The following SRI variants were observed in gnomAD, a reference collection of about 807,000 sequenced individuals.
SRI encodes sorcin.
SRI carries 30 observed loss-of-function variants against 33.3 expected under a neutral mutation model. The observed-to-expected ratio is 0.90, with a 90% CI of 0.67 to 1.22. The LOEUF (loss-of-function observed/expected upper bound fraction) is 1.22, where lower values mean the gene tolerates loss of function less well. Ranked by LOEUF, SRI falls within the 50% of genes most tolerant of loss-of-function variation. SRI has a pLI of 0.00. For synonymous variants in SRI, 75 were observed against 89.9 expected, an observed-to-expected ratio of 0.83 and a Z score of 0.94; for missense variants, 243 against 250.8, an observed-to-expected ratio of 0.97 and a Z score of 0.21.
chr7:88,206,340 C>A lies in SRI; in HGVS notation c.*138G>T. On this transcript the variant is annotated 3_prime_UTR_variant, in exon 8 of 8. Transcript: ENST00000265729. Reference sequence around the variant, plus strand: ...AAACTAAAACAAAACTTCAGTTGTACATAAAGTAATAAACTTTACAACAGC... The same window carrying A: ...AAACTAAAACAAAACTTCAGTTGTAAATAAAGTAATAAACTTTACAACAGC... The A allele has an allele frequency of 1.0e-6, 1 of 995,220 alleles. No homozygotes were observed. The allele number at this position is 995,220 out of a possible 1,614,324, so 61.6% of individuals were successfully genotyped here.
intron 3 of SRI, among the ~76,000 whole-genome samples, chr7:88,215,208 G>A (rs908321796): frequency 6.6e-6 from 1 of 152,170 alleles, no homozygotes; most frequent in Non-Finnish European, 1.5e-5. Context: ...GTTCAGTACG[G>A]CCACCAGAGA....
At chr7:88,219,624 C>T in intron 1 of SRI, 1 of 332,632 alleles carries the variant, frequency 3.0e-6, no homozygotes, top group Non-Finnish European at 5.2e-6. Flanking sequence ...ACTGTTGTTG[C>T]TCTGGGAGGC....
intron 7 of SRI, among the ~76,000 whole-genome samples, chr7:88,206,842 A>C (rs1851448510): frequency 6.6e-6 from 1 of 152,222 alleles, no homozygotes; most frequent in Non-Finnish European, 1.5e-5. Flanking sequence ...CCACAAACAC[A>C]AACAACTGGA....
Position 88,217,197 on chromosome 7 carries a change from G to A in SRI, c.136-6C>T, listed in dbSNP as rs1851748425. 2.5e-6 allele frequency: 4 copies of A among 1,608,424 alleles called. No homozygotes were observed. Among genetic ancestry groups the A allele is most frequent in the Non-Finnish European group, 3.4e-6 (4 of 1,178,112 alleles). On this transcript the variant is annotated splice_polypyrimidine_tract_variant and splice_region_variant and intron_variant, in intron 2 of 7. Transcript: ENST00000265729. The stretch of plus-strand genomic sequence containing the variant: ...TCAGCATCTATCTGCCCATCCTTTT[G>A]AAAAAAAATTAGAGGAATCATAATA...
At chr7:88,216,056 C>A (rs1851703464) in intron 3 of SRI, among the ~76,000 whole-genome samples, 1 of 152,220 alleles carries the variant, frequency 6.6e-6, no homozygotes, top group Non-Finnish European at 1.5e-5. Flanking sequence ...TGGCTCACTG[C>A]AACCTCCGCC....
At chr7:88,212,407 T>G (rs1025045473) in intron 3 of SRI, among the ~76,000 whole-genome samples, 1 of 152,230 alleles carries the variant, frequency 6.6e-6, no homozygotes, top group Non-Finnish European at 1.5e-5. Flanking sequence ...AGGTATGAAG[T>G]CCCTCTAATC....
chr7:88,211,635 G>A (rs894565905), intron 3 of SRI, among the ~76,000 whole-genome samples: 1 of 152,164 alleles, frequency 6.6e-6, no homozygotes, highest in Non-Finnish European at 1.5e-5. Context: ...CTAATTTTGT[G>A]TCTGATTACT....
intron 7 of SRI, among the ~76,000 whole-genome samples, chr7:88,206,929 A>G (rs1299423776): frequency 1.3e-5 from 2 of 152,192 alleles, no homozygotes; most frequent in Non-Finnish European, 2.9e-5. Flanking sequence ...CACCTTAAAC[A>G]GTTTATTGCC....
chr7:88,205,335 C>T lies in SRI; in HGVS notation c.*1143G>A, dbSNP rs1251012495. The T allele has an allele frequency of 2.0e-5, 3 of 152,190 alleles. No homozygotes were observed. The highest frequency in any genetic ancestry group is 4.4e-5 in the Non-Finnish European group (3 of 68,028). 9.4% of individuals were successfully genotyped at this position (152,190 alleles called of 1,614,324 possible). A position where few individuals can be genotyped will look rare whatever the true frequency, so the allele number is the denominator to read the frequency against. The stretch of plus-strand genomic sequence containing the variant: ...ATTGTCAGTGCTTCTTGTATCAACA[C>T]ACTTCATATTCAGAACTACTCCCAA... On this transcript the variant is annotated 3_prime_UTR_variant, in exon 8 of 8. Transcript: ENST00000265729.
upstream of SRI, among the ~76,000 whole-genome samples, chr7:88,220,884 G>T (rs990898811): frequency 5.9e-5 from 9 of 152,218 alleles, no homozygotes; most frequent in Non-Finnish European, 1.2e-4. Context: ...GAAGATAAGA[G>T]ATAGGAACTT....
At chr7:88,224,047 C>A (rs1029337122), upstream of SRI, among the ~76,000 whole-genome samples, 1 of 152,174 alleles carries the variant, frequency 6.6e-6, no homozygotes, top group Non-Finnish European at 1.5e-5. Flanking sequence ...ATCATATACT[C>A]CAATCCTGCT....
At chr7:88,211,202 C>T (rs1391793259) in intron 3 of SRI, among the ~76,000 whole-genome samples, 1 of 152,162 alleles carries the variant, frequency 6.6e-6, no homozygotes, top group East Asian at 1.9e-4. Context: ...CCTGTAATCC[C>T]AGCACTTTGG....
At chr7:88,207,473 T>C (rs1851461954) in intron 7 of SRI, among the ~76,000 whole-genome samples, 1 of 152,192 alleles carries the variant, frequency 6.6e-6, no homozygotes, top group Non-Finnish European at 1.5e-5. Context: ...AATGGAATAT[T>C]CAGTGATTAC....
rs763996555 is a variant in SRI, at chr7:88,208,492, A to G, written c.570+15T>C. On this transcript the variant is annotated intron_variant, in intron 7 of 7. Transcript: ENST00000265729. ...TCCTTTTCATCTACTGTATCTCTTA[A>G]TTTCTAAGACTTACATCATCATATG... 4 of 1,613,552 alleles carry G rather than the reference A, an allele frequency of 2.5e-6. No homozygotes were observed. The highest frequency in any genetic ancestry group is 3.4e-6 in the Non-Finnish European group (4 of 1,179,782).
chr7:88,219,040 G>T, intron 1 of SRI, 98 bp from the exon 2 acceptor site: 3 of 1,032,304 alleles, frequency 2.9e-6, no homozygotes, highest in South Asian at 1.3e-5. Flanking sequence ...CTGCCCGCCT[G>T]CCCGCCCTTC....
chr7:88,211,137 CTT>C (rs2115756810), intron 3 of SRI, among the ~76,000 whole-genome samples: 1 of 152,228 alleles, frequency 6.6e-6, no homozygotes, highest in East Asian at 1.9e-4. Context: ...ATTTAAATAA[CTT>C]TGACAGAATT....
At position 88,225,761 on chromosome 7, in the gene SRI, C is replaced by T. The variant is rs117817019; in HGVS notation, c.6+1148G>A. On this transcript the variant is annotated intron_variant, in intron 1 of 7. Transcript: ENST00000394641. Reference sequence around the variant, plus strand: ...TTTGGAGACATTGTTTTTTCTTTTCCTGAACAGAATGTGTTTCAGAAATCA... The same window carrying T: ...TTTGGAGACATTGTTTTTTCTTTTCTTGAACAGAATGTGTTTCAGAAATCA... Among the ~76,000 whole-genome samples the T allele has an allele frequency of 5.9e-4, 90 of 152,106 alleles. 1 individual carries two copies. In the East Asian group the frequency reaches 0.016, roughly 28 times the overall value.
At chr7:88,218,756 G>T (rs1348105435) in intron 2 of SRI, 103 bp downstream of exon 2, 3 of 1,057,020 alleles carry the variant, frequency 2.8e-6, no homozygotes, top group Non-Finnish European at 4.3e-6. Context: ...CAGAAGCAAA[G>T]GGACTCAGTA....
chr7:88,218,920 G>A lies in SRI; in HGVS notation c.74C>T (p.Pro25Leu), dbSNP rs766889555. The A allele has an allele frequency of 1.2e-6, 2 of 1,613,922 alleles. No homozygotes were observed. The highest frequency in any genetic ancestry group is 2.7e-5 in the African/African-American group (2 of 74,900). The change falls in exon 2 of 8, where the codon CCT (proline) becomes CTT (leucine). Residue 25 changes from proline to leucine, a missense_variant. Coordinates refer to ENST00000265729, the MANE Select transcript of SRI (RefSeq NM_003130.4). ...PGGYGGAPGG[P>L]AFPGQTQDPL... Reference sequence around the variant, plus strand: ...ATCCTGAGTTTGTCCGGGAAACGCAGGCCCTCCGGGAGCCCCTCCATACTG... The same window carrying A: ...ATCCTGAGTTTGTCCGGGAAACGCAAGCCCTCCGGGAGCCCCTCCATACTG...
Sources: gnomAD v4.1 joint callset for allele counts (sites outside exome capture counted in the v4.1 genomes callset) on GRCh38, gnomAD v4.1.1 for gene constraint, MANE v1.5 for transcripts, NCBI Gene and HGNC (gene_info 2026-07-23, HGNC 2026-07-21) for gene names.